The following GRIK1 variants were observed in gnomAD, a reference collection of about 807,000 sequenced individuals.
GRIK1 encodes glutamate receptor ionotropic, kainate 1.
Under a neutral mutation model 105.7 loss-of-function variants are expected in GRIK1, and 69 were observed. The observed-to-expected ratio is 0.65, with a 90% CI of 0.54 to 0.80. The LOEUF is 0.80. Ranked by LOEUF, GRIK1 falls within the 30% of genes least tolerant of loss-of-function variation. The pLI, the probability that GRIK1 is intolerant of heterozygous loss-of-function variation, is 0.00. For synonymous variants in GRIK1, 438 were observed against 431.3 expected, an observed-to-expected ratio of 1.02 and a Z score of -0.19; for missense variants, 1,109 against 1,167.3, an observed-to-expected ratio of 0.95 and a Z score of 0.73.
intron 1 of GRIK1, chr21:29,759,979 A>T (rs1161128808): frequency 1.3e-5 from 2 of 152,214 alleles, no homozygotes; most frequent in Non-Finnish European, 2.9e-5. Flanking sequence ...GCTACCATTT[A>T]TTGGTTGTCC....
chr21:29,896,200 G>A (rs1017456763), intron 1 of GRIK1, among the ~76,000 whole-genome samples: 5 of 152,166 alleles, frequency 3.3e-5, no homozygotes, highest in African/African-American at 1.2e-4. Context: ...TCAGTGAGGC[G>A]AATTGTGTGC....
intron 1 of GRIK1, among the ~76,000 whole-genome samples, chr21:29,707,424 TTCCCTTCCTCCCTCCCTCCCTCCCTCCC>T: frequency 1.3e-4 from 2 of 15,154 alleles, no homozygotes; most frequent in African/African-American, 5.0e-4. Flanking sequence ...CTTTCTTTCT[TTCCCTTCCTCCCTCCCTCCCTCCCTCCC>T]TCCCTCCCTC....
At chr21:29,784,350 C>T (rs543511476) in intron 1 of GRIK1, among the ~76,000 whole-genome samples, 17 of 152,172 alleles carry the variant, frequency 1.1e-4, no homozygotes, top group African/African-American at 3.9e-4. Flanking sequence ...AGGGTAAATG[C>T]GTTTGGTTTT....
At chr21:29,625,751 T>C (rs531196915) in intron 7 of GRIK1, among the ~76,000 whole-genome samples, 1 of 152,340 alleles carries the variant, frequency 6.6e-6, no homozygotes, top group South Asian at 2.1e-4. Context: ...CTTGTCTTAT[T>C]AGTACAATTC....
rs748380852 is a variant in GRIK1, at chr21:29,537,258, C to T, written c.2822G>A (p.Arg941Gln). ...FTSILTCHQR[R>Q]TQRKETVA ...CGCCACAGTCTCTTTTCTCTGAGTT[C>T]GTCTCTGATGACAAGTAAGGATACT... is the stretch of plus-strand genomic sequence containing the variant. The change falls in exon 18 of 18, where the codon CGA becomes CAA. Residue 941 changes from arginine to glutamine, a missense_variant. By Grantham distance (43) the Arg-to-Gln change is conservative. Coordinates refer to ENST00000327783, the MANE Select transcript of GRIK1 (RefSeq NM_001330994.2). 1.7e-5 allele frequency: 27 copies of T among 1,608,918 alleles called. No homozygotes were observed. Among genetic ancestry groups the T allele is most frequent in the Admixed American group, 3.4e-5 (2 of 59,246 alleles).
chr21:29,556,807 G>A (rs576521999), intron 15 of GRIK1, among the ~76,000 whole-genome samples: 42 of 152,306 alleles, frequency 2.8e-4, no homozygotes, highest in African/African-American at 9.6e-4. Flanking sequence ...AGAAAGCAGA[G>A]CCTCTCTTTC....
chr21:29,936,054 T>A (rs1420370413), intron 1 of GRIK1, among the ~76,000 whole-genome samples: 1 of 152,244 alleles, frequency 6.6e-6, no homozygotes, highest in East Asian at 1.9e-4. Context: ...TTAATTCAAT[T>A]TATCAGATGC....
intron 1 of GRIK1, among the ~76,000 whole-genome samples, chr21:29,715,761 G>C (rs1394919850): frequency 6.6e-6 from 1 of 150,994 alleles, no homozygotes; most frequent in African/African-American, 2.4e-5. Context: ...CTACCTAAGA[G>C]TAGCTTAGGC....
At chr21:29,678,370 T>A (rs2063313034) in intron 3 of GRIK1, among the ~76,000 whole-genome samples, 1 of 152,170 alleles carries the variant, frequency 6.6e-6, no homozygotes, top group East Asian at 1.9e-4. Flanking sequence ...AGAAGGCAAG[T>A]GGGAGTCTTC....
intron 13 of GRIK1, among the ~76,000 whole-genome samples, chr21:29,578,178 T>C (rs906546643): frequency 1.3e-5 from 2 of 152,186 alleles, no homozygotes; most frequent in African/African-American, 4.8e-5. Context: ...AATTTGCCAT[T>C]GGTTCTGTAC....
chr21:29,806,106 A>G (rs2066857406), intron 1 of GRIK1, among the ~76,000 whole-genome samples: 1 of 152,176 alleles, frequency 6.6e-6, no homozygotes. Flanking sequence ...TACTGTATGC[A>G]TTTATTTTAT....
At chr21:29,712,083 T>TATACACACACACACACACAC (rs1232277994) in intron 1 of GRIK1, among the ~76,000 whole-genome samples, 1 of 135,370 alleles carries the variant, frequency 7.4e-6, no homozygotes, top group African/African-American at 2.7e-5. Context: ...TATACATACA[T>TATACACACACACACACACAC]ACACACACAC....
intron 1 of GRIK1, among the ~76,000 whole-genome samples, chr21:29,934,048 A>G (rs2071664008): frequency 6.6e-6 from 1 of 152,140 alleles, no homozygotes; most frequent in Admixed American, 6.5e-5. Flanking sequence ...ACGAAAGAGG[A>G]TTGAGAGATT....
At chr21:29,784,405 G>A (rs371320283) in intron 1 of GRIK1, among the ~76,000 whole-genome samples, 10 of 152,214 alleles carry the variant, frequency 6.6e-5, no homozygotes, top group East Asian at 5.8e-4. Flanking sequence ...TAAAGGTTGT[G>A]CTAATTTTCA....
At chr21:29,886,336 C>G (rs1265751387) in intron 1 of GRIK1, among the ~76,000 whole-genome samples, 3 of 152,076 alleles carry the variant, frequency 2.0e-5, no homozygotes, top group Non-Finnish European at 2.9e-5. Flanking sequence ...TGACTTTGTT[C>G]TGTTCTTTGC....
chr21:29,726,736 T>A (rs1173338130), intron 1 of GRIK1, among the ~76,000 whole-genome samples: 4 of 151,792 alleles, frequency 2.6e-5, no homozygotes, highest in African/African-American at 9.7e-5. Flanking sequence ...ATCCTTCTTA[T>A]GTACAAACAT....
At chr21:29,834,779 T>C (rs912079811) in intron 1 of GRIK1, among the ~76,000 whole-genome samples, 2 of 149,778 alleles carry the variant, frequency 1.3e-5, no homozygotes, top group Non-Finnish European at 3.0e-5. Flanking sequence ...TAATTAATAT[T>C]CATCCAATAT....
chr21:29,651,650 C>T (rs924011756), intron 5 of GRIK1, among the ~76,000 whole-genome samples: 1 of 152,004 alleles, frequency 6.6e-6, no homozygotes, highest in African/African-American at 2.4e-5. Flanking sequence ...GGTAGAGTAT[C>T]GTGGTATGGA....
Position 29,642,933 on chromosome 21 carries a change from C to G in GRIK1, c.991G>C (p.Val331Leu), listed in dbSNP as rs1472411492. ...GATGCCCGGTGCGAGGCAATGGCCA[C>G]CATGTACACAGCATCGTACATCAGA... Reference protein sequence around the residue: ...AALMYDAVYMVAIASHRASQL... With the variant: ...AALMYDAVYMLAIASHRASQL... The change falls in exon 7 of 18, where the codon GTG becomes CTG. Residue 331 changes from valine to leucine, a missense_variant. Physicochemically the swap from Val to Leu is conservative, Grantham distance 32. This residue lies in a region of GRIK1 where 612 missense variants were observed against 586.0 expected (regional missense o/e 1.04). Coordinates refer to ENST00000327783, the MANE Select transcript of GRIK1 (RefSeq NM_001330994.2). 1.9e-6 allele frequency: 3 copies of G among 1,613,798 alleles called. No individual in the cohort carries two copies. The highest frequency in any genetic ancestry group is 2.5e-6 in the Non-Finnish European group (3 of 1,179,688).
Sources: gnomAD v4.1 joint callset for allele counts (sites outside exome capture counted in the v4.1 genomes callset) on GRCh38, gnomAD v4.1.1 for gene constraint, gnomAD v4.1.1 regional missense constraint, MANE v1.5 for transcripts, NCBI Gene and HGNC (gene_info 2026-07-23, HGNC 2026-07-21) for gene names.